The following DOCK8 variants were observed in gnomAD, a reference collection of about 807,000 sequenced individuals.
DOCK8 encodes the protein dedicator of cytokinesis protein 8.
DOCK8 carries 141 observed loss-of-function variants against 245.6 expected under a neutral mutation model. That is an observed-to-expected ratio of 0.57 (90% CI 0.50 to 0.66). DOCK8 has a LOEUF of 0.66. DOCK8 is among the 30% of genes least tolerant of loss of function. The probability of loss-of-function intolerance (pLI) is 0.00; values close to 1 mark genes in which losing one functional copy is unlikely to be tolerated. For synonymous variants in DOCK8, 1,168 were observed against 970.2 expected, an observed-to-expected ratio of 1.20 and a Z score of -3.79; for missense variants, 2,965 against 2,603.4, an observed-to-expected ratio of 1.14 and a Z score of -3.02.
At chr9:220,875 C>G in intron 1 of DOCK8, 1 of 277,476 alleles carries the variant, frequency 3.6e-6, no homozygotes. Flanking sequence ...TGCGCACCAC[C>G]ACGCCCGGCT....
At chr9:425,217 A>G (rs2131675853) in intron 33 of DOCK8, among the ~76,000 whole-genome samples, 1 of 152,252 alleles carries the variant, frequency 6.6e-6, no homozygotes. Flanking sequence ...TTAAAACTAA[A>G]CTAGCAGTCA....
At chr9:463,136 A>C (rs2057858041) in intron 46 of DOCK8, among the ~76,000 whole-genome samples, 5 of 152,146 alleles carry the variant, frequency 3.3e-5, no homozygotes, top group Admixed American at 3.3e-4. Context: ...CCACACTTGT[A>C]GTCCCAGCTA....
At chr9:223,990 T>C (rs976910255) in intron 1 of DOCK8, among the ~76,000 whole-genome samples, 1 of 152,118 alleles carries the variant, frequency 6.6e-6, no homozygotes, top group African/African-American at 2.4e-5. Flanking sequence ...TAAAATAATA[T>C]CAGCTTGAGT....
intron 1 of DOCK8, among the ~76,000 whole-genome samples, chr9:262,734 T>C (rs2047947135): frequency 6.6e-6 from 1 of 152,082 alleles, no homozygotes; most frequent in Admixed American, 6.6e-5. Context: ...GTCTCATGGG[T>C]CTATACGTAT....
At chr9:260,499 C>G (rs905705191) in intron 1 of DOCK8, among the ~76,000 whole-genome samples, 1 of 152,166 alleles carries the variant, frequency 6.6e-6, no homozygotes, top group Non-Finnish European at 1.5e-5. Context: ...TTCTTTATAT[C>G]GCTGCTTAGA....
upstream of DOCK8, chr9:212,706 T>G (rs901015412): frequency 1.3e-5 from 2 of 152,206 alleles, no homozygotes; most frequent in Non-Finnish European, 2.9e-5. Flanking sequence ...CTAACCTTCA[T>G]GGTTAGGTAC....
chr9:279,646 GT>G (rs2048497507), intron 2 of DOCK8, among the ~76,000 whole-genome samples: 2 of 152,220 alleles, frequency 1.3e-5, no homozygotes, highest in Non-Finnish European at 2.9e-5. Context: ...GTGAACAACT[GT>G]GTCCAATAAA....
chr9:334,462 C>G, intron 11 of DOCK8, 78 bp downstream of exon 11: 1 of 1,507,822 alleles, frequency 6.6e-7, no homozygotes, highest in Non-Finnish European at 9.0e-7. Context: ...CTAGCGGGGA[C>G]TGGGGGCACA....
intron 45 of DOCK8, 34 bp from the exon 46 acceptor site, chr9:451,977 A>AT (rs35071801): frequency 6.1e-4 from 113 of 184,496 alleles, no homozygotes; most frequent in Non-Finnish European, 7.9e-4. Flanking sequence ...ATATATATAT[A>AT]TTTTTTTTTT....
At chr9:243,315 C>T (rs2047421814) in intron 1 of DOCK8, among the ~76,000 whole-genome samples, 1 of 152,140 alleles carries the variant, frequency 6.6e-6, no homozygotes, top group Non-Finnish European at 1.5e-5. Flanking sequence ...GTTTCTGACC[C>T]TGAGTGCTAC....
intron 28 of DOCK8, among the ~76,000 whole-genome samples, chr9:413,896 C>G (rs1438926385): frequency 3.3e-5 from 5 of 152,182 alleles, no homozygotes. Flanking sequence ...AATCTCAGCA[C>G]TTTGGGAGGC....
At chr9:390,879 C>G (rs1444608175) in intron 24 of DOCK8, among the ~76,000 whole-genome samples, 1 of 152,194 alleles carries the variant, frequency 6.6e-6, no homozygotes, top group African/African-American at 2.4e-5. Context: ...TCTTGGCCCA[C>G]CCATTCTGCA....
Position 334,986 on chromosome 9 carries a change from G to C in DOCK8, c.1285+602G>C, listed in dbSNP as rs545844896. Among the ~76,000 whole-genome samples the C allele has an allele frequency of 3.2e-4, 48 of 152,264 alleles. 1 individual carries two copies. The highest frequency in any genetic ancestry group is 1.1e-3 in the African/African-American group (44 of 41,538). On this transcript the variant is annotated intron_variant, in intron 11 of 47. Coordinates refer to ENST00000432829, the MANE Select transcript of DOCK8 (RefSeq NM_203447.4). ...TAATCTCAGCTACTCGGGAGGCAGA[G>C]GCAGGAGAATCGCTTGAACCAGGGA... is the stretch of plus-strand genomic sequence containing the variant.
At position 404,869 on chromosome 9, in the gene DOCK8, A is replaced by C. The variant is rs375565088; in HGVS notation, c.3235-49A>C. On this transcript the variant is annotated intron_variant, in intron 26 of 47. Coordinates refer to ENST00000432829, the MANE Select transcript of DOCK8 (RefSeq NM_203447.4). ...TTTTGTGTCTGCCAACCTCAACTCC[A>C]CTTACCTTGTAATAAATGTTTCATT... 1.0e-4 allele frequency: 165 copies of C among 1,608,950 alleles called. No individual in the cohort carries two copies. The Middle Eastern group carries it at 2.1e-3, about 21-fold the overall frequency.
chr9:238,074 C>T (rs1046665317), intron 1 of DOCK8, among the ~76,000 whole-genome samples: 3 of 152,212 alleles, frequency 2.0e-5, no homozygotes, highest in Middle Eastern at 6.8e-3. Flanking sequence ...TTGTTGACTC[C>T]TCTTGTTTTA....
Position 344,687 on chromosome 9 carries a change from C to T in DOCK8, c.1679+4366C>T, listed in dbSNP as rs1363134177. 6.6e-5 allele frequency among the ~76,000 whole-genome samples: 10 copies of T among 152,290 alleles called. No individual in the cohort carries two copies. In the South Asian group the frequency reaches 1.5e-3, roughly 22 times the overall value. On this transcript the variant is annotated intron_variant, in intron 14 of 47. Coordinates refer to ENST00000432829, the MANE Select transcript of DOCK8 (RefSeq NM_203447.4). ...AAAATAAAAGTCTCTTTTCAAGCAA[C>T]GATCTCTAAACTCATTTGCTATGGT...
intron 1 of DOCK8, among the ~76,000 whole-genome samples, chr9:235,154 G>C (rs1419424332): frequency 6.6e-6 from 1 of 152,210 alleles, no homozygotes; most frequent in African/African-American, 2.4e-5. Flanking sequence ...GAGTTTGCTA[G>C]AGGTCCACTC....
At position 413,060 on chromosome 9, in the gene DOCK8, A is replaced by T. The variant is rs1207690475; in HGVS notation, c.3531-1722A>T. ...ACTATGGGGTTCTGACATATGATAG[A>T]CATATAGATCAATGAAATTGGGTTA... On this transcript the variant is annotated intron_variant, in intron 28 of 47. Transcript: ENST00000432829. 5.9e-5 allele frequency among the ~76,000 whole-genome samples: 9 copies of T among 152,190 alleles called. No homozygotes were observed. The East Asian group carries it at 1.5e-3, about 26-fold the overall frequency.
intron 2 of DOCK8, among the ~76,000 whole-genome samples, chr9:275,352 G>T (rs910914222): frequency 2.0e-5 from 3 of 152,166 alleles, no homozygotes; most frequent in Non-Finnish European, 4.4e-5. Context: ...AGTGGCAGGT[G>T]TTTAGAAGAG....
Sources: gnomAD v4.1 joint callset for allele counts (sites outside exome capture counted in the v4.1 genomes callset) on GRCh38, gnomAD v4.1.1 for gene constraint, MANE v1.5 for transcripts, NCBI Gene and HGNC (gene_info 2026-07-23, HGNC 2026-07-21) for gene names.